Variants in PCOLCE2 observed in about 807,000 individuals in gnomAD.
The protein encoded by PCOLCE2 is procollagen C-endopeptidase enhancer 2, also known as procollagen C-proteinase enhancer 2.
PCOLCE2 carries 42 observed loss-of-function variants against 47.0 expected under a neutral mutation model. The ratio of observed to expected loss-of-function variants is 0.89; its 90% confidence interval spans 0.70 to 1.16. PCOLCE2 has a LOEUF of 1.16. Ranked by LOEUF, PCOLCE2 falls within the 50% of genes most tolerant of loss-of-function variation. The probability of loss-of-function intolerance (pLI) is 0.00; values close to 1 mark genes in which losing one functional copy is unlikely to be tolerated. For synonymous variants in PCOLCE2, 169 were observed against 191.7 expected (o/e 0.88, Z 0.98); for missense variants, 500 against 526.1 (o/e 0.95, Z 0.49).
intron 2 of PCOLCE2, among the ~76,000 whole-genome samples, chr3:142,853,748 A>C (rs1325273852): frequency 1.3e-5 from 2 of 152,238 alleles, no homozygotes; most frequent in South Asian, 4.1e-4. Context: ...GTAAATGCTA[A>C]CACTTAATGC....
chr3:142,888,545 GC>G, intron 1 of PCOLCE2: 1 of 382,306 alleles, frequency 2.6e-6, no homozygotes, highest in Non-Finnish European at 4.7e-6. Context: ...GTCAGATTAA[GC>G]CCCGCCACGT....
chr3:142,840,015 G>C (rs1190691565), intron 4 of PCOLCE2, among the ~76,000 whole-genome samples: 2 of 152,142 alleles, frequency 1.3e-5, no homozygotes, highest in South Asian at 2.1e-4. Flanking sequence ...TGAGTGGATA[G>C]AGTTGTTCCC....
Position 142,888,892 on chromosome 3 carries a change from C to G in PCOLCE2, c.5G>C (p.Arg2Thr), listed in dbSNP as rs754447181. The G allele has an allele frequency of 6.7e-7, 1 of 1,499,148 alleles. No homozygotes were observed. The highest frequency in any genetic ancestry group is 1.3e-5 in the South Asian group (1 of 75,634). The allele number at this position is 1,499,148 out of a possible 1,614,324, so 92.9% of individuals were successfully genotyped here. A position where few individuals can be genotyped will look rare whatever the true frequency, so the allele number is the denominator to read the frequency against. ...GAGTGGCGCCCAGGCGTTCGCGCCC[C>G]TCATGGCAGCGTAGACGCTCGGGGT... M[R>T]GANAWAPLCL... is the part of the protein sequence containing the mutation. Residue 2 changes from arginine (R) to threonine (T), a missense_variant, in exon 1 of 9, where the codon AGG becomes ACG. Physicochemically the swap from Arg to Thr is moderately conservative, Grantham distance 71. Transcript: ENST00000295992.
At chr3:142,877,090 G>A (rs1933511276) in intron 2 of PCOLCE2, among the ~76,000 whole-genome samples, 1 of 152,062 alleles carries the variant, frequency 6.6e-6, no homozygotes, top group Non-Finnish European at 1.5e-5. Flanking sequence ...TAATTAGTGG[G>A]GCCTATTCTG....
At chr3:142,852,394 A>G (rs1578040290) in intron 2 of PCOLCE2, among the ~76,000 whole-genome samples, 1 of 152,306 alleles carries the variant, frequency 6.6e-6, no homozygotes, top group East Asian at 1.9e-4. Flanking sequence ...TTTGTTAAGA[A>G]TAGAAAAAAA....
At chr3:142,840,020 G>C (rs1937249277) in intron 4 of PCOLCE2, among the ~76,000 whole-genome samples, 1 of 152,152 alleles carries the variant, frequency 6.6e-6, no homozygotes, top group Non-Finnish European at 1.5e-5. Context: ...GGATAGAGTT[G>C]TTCCCCTTTT....
chr3:142,886,848 C>T (rs1317099707), intron 2 of PCOLCE2, among the ~76,000 whole-genome samples: 6 of 152,306 alleles, frequency 3.9e-5, no homozygotes, highest in East Asian at 1.9e-4. Flanking sequence ...ACAGTAACTG[C>T]TAGTTTACAC....
At chr3:142,861,777 G>T (rs1933186978) in intron 2 of PCOLCE2, among the ~76,000 whole-genome samples, 1 of 152,224 alleles carries the variant, frequency 6.6e-6, no homozygotes, top group Non-Finnish European at 1.5e-5. Context: ...CTGAGGTGAG[G>T]CTGACTGGAA....
intron 5 of PCOLCE2, among the ~76,000 whole-genome samples, chr3:142,830,537 C>G (rs1937133277): frequency 6.6e-6 from 1 of 151,982 alleles, no homozygotes; most frequent in African/African-American, 2.4e-5. Context: ...TAGCAAAATG[C>G]TGTAAAGGAA....
intron 2 of PCOLCE2, among the ~76,000 whole-genome samples, chr3:142,868,080 C>T (rs1933317073): frequency 6.6e-6 from 1 of 152,110 alleles, no homozygotes; most frequent in Admixed American, 6.5e-5. Flanking sequence ...TTGTTTCTCC[C>T]ATAAAGGCCA....
intron 6 of PCOLCE2, chr3:142,827,453 T>C (rs553929194): frequency 6.4e-7 from 1 of 1,554,396 alleles, no homozygotes; most frequent in African/African-American, 1.4e-5. Flanking sequence ...CTCAGGGTTG[T>C]GGGAGATAGC....
At chr3:142,838,216 T>A (rs1240592680) in intron 5 of PCOLCE2, among the ~76,000 whole-genome samples, 1 of 152,098 alleles carries the variant, frequency 6.6e-6, no homozygotes, top group Non-Finnish European at 1.5e-5. Context: ...AGGGCCTGGG[T>A]TGGCTATTCT....
At position 142,821,906 on chromosome 3, in the gene PCOLCE2, G is replaced by GT. The variant is rs201944179; in HGVS notation, c.950-862dup. On this transcript the variant is annotated intron_variant, in intron 7 of 8. Transcript: ENST00000295992. The stretch of plus-strand genomic sequence containing the variant: ...TGGTGTAGGACTTGCACTGAATACA[G>GT]TTTTTTTTTGTTGTTGTTGTTTTTT... Among the ~76,000 whole-genome samples the GT allele has an allele frequency of 1.9e-3, 288 of 150,810 alleles. 1 individual carries two copies. Among genetic ancestry groups the GT allele is most frequent in the African/African-American group, 6.0e-3 (247 of 41,252 alleles).
At chr3:142,841,676 T>C (rs1029476053) in intron 4 of PCOLCE2, among the ~76,000 whole-genome samples, 1 of 152,216 alleles carries the variant, frequency 6.6e-6, no homozygotes, top group African/African-American at 2.4e-5. Flanking sequence ...TGTCTGTATA[T>C]ATGTGTATAT....
Position 142,888,872 on chromosome 3 carries a change from G to A in PCOLCE2, c.25C>T (p.Pro9Ser), listed in dbSNP as rs771978921. Residue 9 changes from proline to serine, a missense_variant, in exon 1 of 9, where the codon CCA becomes TCA. By Grantham distance (74) the Pro-to-Ser change is moderately conservative. Transcript: ENST00000295992. MRGANAWA[P>S]LCLLLAAATQ... ...GCGGCAGCCAGCAGCAGGCAGAGTGGCGCCCAGGCGTTCGCGCCCCTCATG... is the reference window on the plus strand; with the variant it reads ...GCGGCAGCCAGCAGCAGGCAGAGTGACGCCCAGGCGTTCGCGCCCCTCATG... 3.2e-6 allele frequency: 5 copies of A among 1,539,064 alleles called. No homozygotes were observed. The highest frequency in any genetic ancestry group is 2.6e-5 in the East Asian group (1 of 38,136).
At chr3:142,837,344 T>G (rs536825468) in intron 5 of PCOLCE2, among the ~76,000 whole-genome samples, 1 of 152,350 alleles carries the variant, frequency 6.6e-6, no homozygotes, top group East Asian at 1.9e-4. Context: ...GGAAAAGAAT[T>G]ATCTAGGAAC....
intron 2 of PCOLCE2, among the ~76,000 whole-genome samples, chr3:142,868,590 C>G (rs926162166): frequency 3.9e-5 from 6 of 152,034 alleles, no homozygotes; most frequent in Non-Finnish European, 7.4e-5. Context: ...AGATTACCTG[C>G]TACCTGCTCC....
Position 142,888,817 on chromosome 3 carries a change from T to C in PCOLCE2, c.80A>G (p.Glu27Gly), listed in dbSNP as rs751285871. 34 of 1,534,934 alleles carry C rather than the reference T, an allele frequency of 2.2e-5. No individual in the cohort carries two copies. Among genetic ancestry groups the C allele is most frequent in the Non-Finnish European group, 3.0e-5 (34 of 1,143,170 alleles). Residue 27 changes from glutamate (E) to glycine (G), a missense_variant, in exon 1 of 9, where the codon GAG (glutamate) becomes GGG (glycine). Physicochemically the swap from Glu to Gly is moderately conservative, Grantham distance 98. Transcript: ENST00000295992. ...ATQLSRQQSPERPVFTCGGIL... is the reference protein window; with the variant it reads ...ATQLSRQQSPGRPVFTCGGIL... ...GCCCGGGCAGGGGTCGCGTTACCTC[T>C]CTGGGGACTGCTGCCGCGAGAGCTG...
chr3:142,857,952 C>G (rs1933098921), intron 2 of PCOLCE2, among the ~76,000 whole-genome samples: 1 of 152,250 alleles, frequency 6.6e-6, no homozygotes, highest in Non-Finnish European at 1.5e-5. Context: ...CTCAAACACA[C>G]CTGGCCCCTT....
Sources: gnomAD v4.1 joint callset for allele counts (sites outside exome capture counted in the v4.1 genomes callset) on GRCh38, gnomAD v4.1.1 for gene constraint, MANE v1.5 for transcripts, NCBI Gene and HGNC (gene_info 2026-07-23, HGNC 2026-07-21) for gene names.